N4BP2: variants seen among roughly 807,000 people sequenced by gnomAD.
The protein encoded by N4BP2 is NEDD4 binding protein 2, also known as NEDD4-binding protein 2.
Under a neutral mutation model 152.8 loss-of-function variants are expected in N4BP2, and 91 were observed. The ratio of observed to expected loss-of-function variants is 0.60; its 90% CI spans 0.50 to 0.71. The LOEUF is 0.71. N4BP2 is among the 30% of genes least tolerant of loss of function. The probability of loss-of-function intolerance (pLI) is 0.00; values close to 1 mark genes in which losing one functional copy is unlikely to be tolerated. For synonymous variants in N4BP2, 646 were observed against 705.3 expected (o/e 0.92, Z 1.33); for missense variants, 1,923 against 2,059.1 (o/e 0.93, Z 1.28).
At chr4:40,118,128 G>A (rs1018505551) in intron 8 of N4BP2, 104 bp downstream of exon 8, 37 of 1,025,090 alleles carry the variant, frequency 3.6e-5, no homozygotes, top group Non-Finnish European at 4.9e-5. Flanking sequence ...TTAAAAATAA[G>A]GTGGACTTGG....
chr4:40,067,919 A>G (rs1711714015), intron 1 of N4BP2, among the ~76,000 whole-genome samples: 1 of 151,992 alleles, frequency 6.6e-6, no homozygotes, highest in Non-Finnish European at 1.5e-5. Flanking sequence ...ACCTCAGGTA[A>G]TCCACCTGCC....
chr4:40,095,483 T>C (rs2109949038), intron 2 of N4BP2, among the ~76,000 whole-genome samples: 1 of 152,354 alleles, frequency 6.6e-6, no homozygotes, highest in East Asian at 1.9e-4. Flanking sequence ...CTGATATTAA[T>C]ATATAAATGT....
intron 2 of N4BP2, among the ~76,000 whole-genome samples, chr4:40,084,735 TTCTCCTGCCTCAGCCTCCTGAGTAGCTG>T (rs1713763809): frequency 6.6e-6 from 1 of 151,142 alleles, no homozygotes; most frequent in Non-Finnish European, 1.5e-5. Flanking sequence ...GTTCAAGCGA[TTCTCCTGCCTCAGCCTCCTGAGTAGCTG>T]GGCCACCATG....
the N4BP2 span, among the ~76,000 whole-genome samples, chr4:40,181,090 C>T: frequency 6.6e-6 from 1 of 152,126 alleles, no homozygotes; most frequent in South Asian, 2.1e-4. Flanking sequence ...GCAGAGGTTG[C>T]AGTAATCTGA....
intron 2 of N4BP2, among the ~76,000 whole-genome samples, chr4:40,096,989 G>GA (rs1468348467): frequency 6.6e-6 from 1 of 152,016 alleles, no homozygotes; most frequent in African/African-American, 2.4e-5. Flanking sequence ...TTTTAAAAAT[G>GA]AAAAAATGTA....
chr4:40,117,487 C>G (rs1204250624), intron 7 of N4BP2, among the ~76,000 whole-genome samples: 2 of 152,194 alleles, frequency 1.3e-5, no homozygotes, highest in Admixed American at 1.3e-4. Context: ...AGGTATAAAC[C>G]TAGATGCTGT....
intron 10 of N4BP2, among the ~76,000 whole-genome samples, chr4:40,123,778 C>T (rs776678092): frequency 4.6e-5 from 7 of 151,916 alleles, no homozygotes; most frequent in Non-Finnish European, 1.0e-4. Flanking sequence ...AGCCACTGTG[C>T]CTGACCTGTT....
chr4:40,120,028 T>C lies in N4BP2; in HGVS notation c.1917T>C (p.Asp639=). The change falls in exon 9 of 18, where the codon GAT becomes GAC. Residue 639 remains aspartate (D), a synonymous_variant. Coordinates refer to ENST00000261435, the MANE Select transcript of N4BP2 (RefSeq NM_018177.6). ...AGTTCACTGAAGAGAAGAATCTTGA[T>C]GTAACCAAAGAAACAATGTTACCTG... ...HLEFTEEKNL[D]VTKETMLPEN... is the part of the protein sequence containing the mutation. The C allele has an allele frequency of 1.2e-6, 2 of 1,600,208 alleles. No homozygotes were observed. Among genetic ancestry groups the C allele is most frequent in the African/African-American group, 1.3e-5 (1 of 74,642 alleles).
intron 1 of N4BP2, among the ~76,000 whole-genome samples, chr4:40,059,636 C>T (rs1733497713): frequency 1.3e-5 from 2 of 151,020 alleles, no homozygotes; most frequent in Non-Finnish European, 2.9e-5. Flanking sequence ...AGACATGAGC[C>T]ACCCCGCCTG....
chr4:40,129,509 G>A (rs1271700751), intron 12 of N4BP2, among the ~76,000 whole-genome samples: 1 of 152,162 alleles, frequency 6.6e-6, no homozygotes, highest in Non-Finnish European at 1.5e-5. Flanking sequence ...TTATAGGTAT[G>A]AGCTACCACA....
intron 3 of N4BP2, chr4:40,100,261 C>G (rs1715509901): frequency 4.2e-6 from 1 of 236,926 alleles, no homozygotes; most frequent in Admixed American, 5.0e-5. Flanking sequence ...CTGTTACCTA[C>G]TCTGCTGTGC....
Position 40,154,524 on chromosome 4 carries a change from C to G in N4BP2, c.*287C>G. The stretch of plus-strand genomic sequence containing the variant: ...AAAGTTTAAAATGCTCTGATTGTTT[C>G]TCAGAAAAGGTTACCTTTGTATTAA... On this transcript the variant is annotated 3_prime_UTR_variant, in exon 18 of 18. Transcript: ENST00000261435. The G allele has an allele frequency of 6.5e-6, 2 of 309,330 alleles. No individual in the cohort carries two copies. Among genetic ancestry groups the G allele is most frequent in the Non-Finnish European group, 1.2e-5 (2 of 168,592 alleles). 19.2% of individuals were successfully genotyped at this position (309,330 alleles called of 1,614,324 possible).
rs1254742074 is a variant in N4BP2 at position 40,066,145 on chromosome 4, G to A, written c.-211-7310G>A. On this transcript the variant is annotated intron_variant, in intron 1 of 17. Coordinates refer to ENST00000261435, the MANE Select transcript of N4BP2 (RefSeq NM_018177.6). ...GGGGTTTCACCGTGTTGGCCAGGATGGTGTCAATCCCTTGACCTTGTGATC... is the reference window on the plus strand; with the variant it reads ...GGGGTTTCACCGTGTTGGCCAGGATAGTGTCAATCCCTTGACCTTGTGATC... Among the ~76,000 whole-genome samples the A allele has an allele frequency of 4.0e-5, 6 of 151,700 alleles. 1 individual carries two copies. The South Asian group carries it at 1.3e-3, about 32-fold the overall frequency.
rs181304642 is a variant in N4BP2, at chr4:40,091,513, G to A, written c.-114-5714G>A. On this transcript the variant is annotated intron_variant, in intron 2 of 17. Coordinates refer to ENST00000261435, the MANE Select transcript of N4BP2 (RefSeq NM_018177.6). ...GCATTGATTGATACAATTCTTTCAC[G>A]CATTAAAATGGTGGATTATACTGAT... Among the ~76,000 whole-genome samples the A allele has an allele frequency of 3.5e-4, 53 of 151,102 alleles. No homozygotes were observed. In the East Asian group the frequency reaches 8.0e-3, roughly 23 times the overall value.
At chr4:40,117,379 A>G (rs887545345) in intron 7 of N4BP2, among the ~76,000 whole-genome samples, 25 of 152,314 alleles carry the variant, frequency 1.6e-4, no homozygotes, top group African/African-American at 6.0e-4. Context: ...CCAGTCACAA[A>G]GCCTTGAATT....
chr4:40,185,877 C>T, the N4BP2 span, among the ~76,000 whole-genome samples: 2 of 152,160 alleles, frequency 1.3e-5, no homozygotes, highest in Admixed American at 1.3e-4. Flanking sequence ...ACCTTGCAAT[C>T]CTTGACTGCA....
rs754304565 is a variant in N4BP2 at position 40,122,235 on chromosome 4, G to A, written c.4124G>A (p.Cys1375Tyr). 8 of 1,609,400 alleles carry A rather than the reference G, an allele frequency of 5.0e-6. No individual in the cohort carries two copies. In the Admixed American group the frequency reaches 5.1e-5, roughly 10 times the overall value. Residue 1375 changes from cysteine (C) to tyrosine (Y), a missense_variant, in exon 9 of 18, where the codon TGT becomes TAT. By Grantham distance (194) the Cys-to-Tyr change is radical (BLOSUM62 -2). Coordinates refer to ENST00000261435, the MANE Select transcript of N4BP2 (RefSeq NM_018177.6). ...PAMAKSLTID[C>Y]LELALPPELA... is the part of the protein sequence containing the mutation. ...ATGGCCAAATCTCTGACCATAGACT[G>A]TCTGGAATTGGCATTACCCCCTGAA...
At chr4:40,058,938 G>A (rs184526473) in intron 1 of N4BP2, among the ~76,000 whole-genome samples, 130 of 151,882 alleles carry the variant, frequency 8.6e-4, no homozygotes, top group African/African-American at 3.0e-3. Flanking sequence ...CTCCCACCTC[G>A]TCCCCTAGAG....
At chr4:40,135,764 A>G (rs191815500) in intron 13 of N4BP2, among the ~76,000 whole-genome samples, 1 of 152,178 alleles carries the variant, frequency 6.6e-6, no homozygotes, top group Non-Finnish European at 1.5e-5. Context: ...ACAGGGTTTC[A>G]CCATGTTGGC....
Sources: allele counts gnomAD v4.1 joint callset (sites outside exome capture counted in the v4.1 genomes callset), GRCh38; gene constraint gnomAD v4.1.1; transcripts MANE v1.5; gene names NCBI Gene and HGNC (gene_info 2026-07-23, HGNC 2026-07-21).